Variants in SORCS3 observed in about 807,000 individuals in gnomAD.
SORCS3 encodes VPS10 domain-containing receptor SorCS3.
Under a neutral mutation model 146.3 loss-of-function variants are expected in SORCS3, and 57 were observed. The observed-to-expected ratio is 0.39, with a 90% confidence interval of 0.31 to 0.49. The LOEUF (loss-of-function observed/expected upper bound fraction) is 0.49. Ranked by LOEUF, SORCS3 falls within the 20% of genes least tolerant of loss-of-function variation. The pLI, the probability that SORCS3 is intolerant of heterozygous loss-of-function variation, is 0.92. For missense variants in SORCS3, 1,341 were observed against 1,575.5 expected, an observed-to-expected ratio of 0.85 and a Z score of 2.52; for synonymous variants, 653 against 618.5, an observed-to-expected ratio of 1.06 and a Z score of -0.83.
At chr10:105,217,863 G>A (rs2056674876) in intron 19 of SORCS3, 2 of 453,966 alleles carry the variant, frequency 4.4e-6, no homozygotes, top group African/African-American at 2.0e-5. Context: ...TCGAGGAAAT[G>A]TTGTCTTGGG....
intron 1 of SORCS3, among the ~76,000 whole-genome samples, chr10:104,728,663 C>T (rs1238615093): frequency 2.0e-5 from 3 of 152,154 alleles, no homozygotes; most frequent in African/African-American, 7.2e-5. Flanking sequence ...TATCAGAAAT[C>T]AAAGGATAAT....
intron 17 of SORCS3, among the ~76,000 whole-genome samples, chr10:105,213,833 A>G (rs533356064): frequency 6.6e-6 from 1 of 150,992 alleles, no homozygotes; most frequent in Non-Finnish European, 1.5e-5. Context: ...TCTGGAGTTT[A>G]TGCTGAGTGG....
At chr10:105,154,419 C>T (rs780004494) in intron 9 of SORCS3, among the ~76,000 whole-genome samples, 15 of 152,340 alleles carry the variant, frequency 9.8e-5, no homozygotes, top group Middle Eastern at 3.4e-3. Context: ...ACTCAGCATT[C>T]CGCCAAGGGG....
At chr10:104,801,400 A>G (rs980813854) in intron 1 of SORCS3, among the ~76,000 whole-genome samples, 1 of 152,194 alleles carries the variant, frequency 6.6e-6, no homozygotes, top group African/African-American at 2.4e-5. Flanking sequence ...TTAGAACTAT[A>G]ATTTCCTCAC....
At chr10:104,824,309 G>A (rs576886046) in intron 1 of SORCS3, among the ~76,000 whole-genome samples, 3 of 152,294 alleles carry the variant, frequency 2.0e-5, no homozygotes, top group African/African-American at 7.2e-5. Flanking sequence ...GAAGACAATG[G>A]GTAGAGTGTC....
In SORCS3 at chr10:105,002,029, G is replaced by A. The variant is rs537324573; in HGVS notation, c.954+24536G>A. ...TGGTTCTTGAAATTTCCCTGGACACGTGGGGAATGTGACTGCCAAAATCAA... is the reference window on the plus strand; with the variant it reads ...TGGTTCTTGAAATTTCCCTGGACACATGGGGAATGTGACTGCCAAAATCAA... On this transcript the variant is annotated intron_variant, in intron 4 of 26. Coordinates refer to ENST00000369701, the MANE Select transcript of SORCS3 (RefSeq NM_014978.3). 2.9e-4 allele frequency among the ~76,000 whole-genome samples: 44 copies of A among 152,248 alleles called. No individual in the cohort carries two copies. The South Asian group carries it at 3.5e-3, about 12-fold the overall frequency.
chr10:104,735,950 C>T (rs372152829), intron 1 of SORCS3, among the ~76,000 whole-genome samples: 23 of 152,220 alleles, frequency 1.5e-4, no homozygotes, highest in East Asian at 9.7e-4. Context: ...CCCAAGGTGA[C>T]GCCAAATGTC....
At chr10:104,937,444 G>T (rs2019271385) in intron 3 of SORCS3, among the ~76,000 whole-genome samples, 4 of 152,178 alleles carry the variant, frequency 2.6e-5, no homozygotes, top group South Asian at 2.1e-4. Context: ...TTCATTAGGA[G>T]AGTTCACTAT....
At chr10:104,681,753 C>T (rs1235732029) in intron 1 of SORCS3, among the ~76,000 whole-genome samples, 3 of 152,180 alleles carry the variant, frequency 2.0e-5, no homozygotes, top group Non-Finnish European at 4.4e-5. Context: ...CAGTAAAGCT[C>T]CTGCCCCAGG....
chr10:105,208,079 C>T (rs924672985), intron 16 of SORCS3, among the ~76,000 whole-genome samples: 4 of 152,096 alleles, frequency 2.6e-5, no homozygotes, highest in African/African-American at 2.4e-5. Context: ...CATGGGCTCA[C>T]GCCTATAATC....
intron 1 of SORCS3, among the ~76,000 whole-genome samples, chr10:104,724,977 G>A (rs1000931025): frequency 5.9e-5 from 9 of 152,140 alleles, no homozygotes; most frequent in Middle Eastern, 3.2e-3. Flanking sequence ...CTCTCAACTC[G>A]TCAAAGTCAT....
intron 4 of SORCS3, among the ~76,000 whole-genome samples, chr10:105,005,504 G>C (rs1462354710): frequency 6.6e-6 from 1 of 151,290 alleles, no homozygotes; most frequent in Non-Finnish European, 1.5e-5. Context: ...TGGAGGATGA[G>C]TAGTTGCTAG....
chr10:105,076,021 CAT>C (rs2055586653), intron 5 of SORCS3, among the ~76,000 whole-genome samples: 2 of 152,176 alleles, frequency 1.3e-5, no homozygotes, highest in South Asian at 2.1e-4. Flanking sequence ...TGTGTGTGCA[CAT>C]GTGTGCCTGT....
intron 3 of SORCS3, among the ~76,000 whole-genome samples, chr10:104,942,944 C>G (rs1036409065): frequency 1.3e-5 from 2 of 151,934 alleles, no homozygotes; most frequent in African/African-American, 4.8e-5. Context: ...AGGTTCTAGT[C>G]AGTGCAAAAT....
chr10:104,908,325 C>T (rs1350358209), intron 2 of SORCS3, among the ~76,000 whole-genome samples: 8 of 152,196 alleles, frequency 5.3e-5, no homozygotes, highest in Non-Finnish European at 1.2e-4. Flanking sequence ...CCGTGTGCCT[C>T]ACCCCTATTA....
At chr10:104,757,635 C>T (rs1052423385) in intron 1 of SORCS3, among the ~76,000 whole-genome samples, 1 of 152,130 alleles carries the variant, frequency 6.6e-6, no homozygotes, top group Non-Finnish European at 1.5e-5. Flanking sequence ...TTTGCTTTTT[C>T]TTAGCTGGAT....
At chr10:105,261,589 C>A (rs1295026134) in intron 25 of SORCS3, among the ~76,000 whole-genome samples, 1 of 152,206 alleles carries the variant, frequency 6.6e-6, no homozygotes, top group Non-Finnish European at 1.5e-5. Context: ...GAGGCTGGAA[C>A]ACACAGTGTG....
intron 1 of SORCS3, among the ~76,000 whole-genome samples, chr10:104,653,770 C>CT (rs1316292660): frequency 6.6e-6 from 1 of 152,134 alleles, no homozygotes; most frequent in Non-Finnish European, 1.5e-5. Context: ...GATGGGATAT[C>CT]TATCCATTCA....
chr10:105,193,459 T>C (rs2056527978), intron 14 of SORCS3, among the ~76,000 whole-genome samples: 1 of 152,246 alleles, frequency 6.6e-6, no homozygotes, highest in East Asian at 1.9e-4. Flanking sequence ...CAGACAAAGA[T>C]GAATGACTGT....
Sources: gnomAD v4.1 joint callset for allele counts (sites outside exome capture counted in the v4.1 genomes callset) on GRCh38, gnomAD v4.1.1 for gene constraint, MANE v1.5 for transcripts, NCBI Gene and HGNC (gene_info 2026-07-23, HGNC 2026-07-21) for gene names.